Variants in PTPRD observed in about 807,000 individuals in gnomAD.
PTPRD encodes receptor-type tyrosine-protein phosphatase delta.
Under a neutral mutation model 214.5 loss-of-function variants are expected in PTPRD, and 34 were observed. The ratio of observed to expected loss-of-function variants is 0.16; its 90% confidence interval spans 0.12 to 0.21. PTPRD has a LOEUF of 0.21. Ranked by LOEUF, PTPRD falls within the 10% of genes least tolerant of loss-of-function variation. The pLI is 1.00. For missense variants in PTPRD, 2,545 were observed against 2,398.7 expected (o/e 1.06, Z -1.27); for synonymous variants, 1,128 against 845.7 (o/e 1.33, Z -5.79).
At chr9:10,098,708 C>T (rs1327461565) in intron 3 of PTPRD, among the ~76,000 whole-genome samples, 1 of 151,618 alleles carries the variant, frequency 6.6e-6, no homozygotes, top group East Asian at 2.0e-4. Flanking sequence ...TTTTAATGTT[C>T]TAAATTCAAG....
At chr9:9,438,465 G>A (rs922257526) in intron 8 of PTPRD, among the ~76,000 whole-genome samples, 12 of 152,136 alleles carry the variant, frequency 7.9e-5, no homozygotes, top group African/African-American at 2.9e-4. Flanking sequence ...TTGTGTGAAA[G>A]TCATAATAGA....
intron 2 of PTPRD, among the ~76,000 whole-genome samples, chr9:10,608,070 T>A (rs1439813799): frequency 6.6e-6 from 1 of 151,974 alleles, no homozygotes; most frequent in African/African-American, 2.4e-5. Context: ...AATGCAAGGG[T>A]TCAAATAATT....
At chr9:8,560,385 G>C (rs539715008) in intron 14 of PTPRD, among the ~76,000 whole-genome samples, 1 of 150,328 alleles carries the variant, frequency 6.7e-6, no homozygotes, top group Non-Finnish European at 1.5e-5. Flanking sequence ...AAACAATACA[G>C]GTAATTTAGA....
chr9:9,060,667 G>C (rs887883039), intron 10 of PTPRD, among the ~76,000 whole-genome samples: 1 of 151,332 alleles, frequency 6.6e-6, no homozygotes, highest in African/African-American at 2.4e-5. Flanking sequence ...CAATCCAATA[G>C]AAAAAAAAGA....
At chr9:10,036,973 T>C (rs1294216131) in intron 3 of PTPRD, among the ~76,000 whole-genome samples, 1 of 152,026 alleles carries the variant, frequency 6.6e-6, no homozygotes, top group Non-Finnish European at 1.5e-5. Context: ...AGCTTCAATC[T>C]CCCAGGCTTA....
chr9:9,079,861 C>T (rs904956588), intron 10 of PTPRD, among the ~76,000 whole-genome samples: 4 of 152,038 alleles, frequency 2.6e-5, no homozygotes, highest in African/African-American at 9.7e-5. Context: ...TCATCCAGTT[C>T]ATGAGTTTAC....
intron 16 of PTPRD, 142 bp from the exon 17 acceptor site, chr9:8,526,786 G>A: frequency 3.4e-6 from 2 of 586,710 alleles, no homozygotes; most frequent in Non-Finnish European, 2.8e-6. Flanking sequence ...TTACTATATT[G>A]GTAAAACAGG....
At chr9:8,996,503 G>A (rs2099397293) in intron 11 of PTPRD, among the ~76,000 whole-genome samples, 1 of 152,018 alleles carries the variant, frequency 6.6e-6, no homozygotes, top group Non-Finnish European at 1.5e-5. Flanking sequence ...GGAATGAAGG[G>A]ATCTGTGGGG....
intron 5 of PTPRD, among the ~76,000 whole-genome samples, chr9:9,776,936 T>C (rs981791): frequency 0.14 from 20,711 of 152,140 alleles, 1,994 homozygotes; most frequent in African/African-American, 0.27. Flanking sequence ...TCCTCTGGGT[T>C]GAAAGGCATA....
chr9:9,939,915 A>C (rs982091235), intron 4 of PTPRD, among the ~76,000 whole-genome samples: 12 of 152,154 alleles, frequency 7.9e-5, no homozygotes, highest in African/African-American at 2.9e-4. Context: ...AATCCACTTT[A>C]TCACCTTCAT....
At chr9:9,678,802 A>G (rs1465410796) in intron 7 of PTPRD, among the ~76,000 whole-genome samples, 1 of 151,956 alleles carries the variant, frequency 6.6e-6, no homozygotes, top group Non-Finnish European at 1.5e-5. Context: ...CATTCCAGTG[A>G]ATGATCTCTC....
At chr9:8,964,996 G>T (rs984576136) in intron 11 of PTPRD, among the ~76,000 whole-genome samples, 1 of 152,034 alleles carries the variant, frequency 6.6e-6, no homozygotes, top group South Asian at 2.1e-4. Context: ...GTAATTCCTT[G>T]TGAAGATGAG....
chr9:8,931,161 G>A (rs2098949773), intron 11 of PTPRD, among the ~76,000 whole-genome samples: 1 of 151,914 alleles, frequency 6.6e-6, no homozygotes, highest in African/African-American at 2.4e-5. Context: ...AAGGGATCCA[G>A]TTTCAGCTTT....
intron 12 of PTPRD, among the ~76,000 whole-genome samples, chr9:8,654,111 C>G (rs2096865138): frequency 6.6e-6 from 1 of 152,164 alleles, no homozygotes; most frequent in South Asian, 2.1e-4. Context: ...TCCTAGCTAC[C>G]AGTTGTGACA....
chr9:9,216,644 A>G (rs1284690803), intron 9 of PTPRD, among the ~76,000 whole-genome samples: 3 of 152,180 alleles, frequency 2.0e-5, no homozygotes, highest in African/African-American at 4.8e-5. Context: ...AGGTGTTCTT[A>G]TAAGTCTTCA....
At chr9:9,575,082 G>A (rs1414130759) in intron 7 of PTPRD, among the ~76,000 whole-genome samples, 1 of 152,038 alleles carries the variant, frequency 6.6e-6, no homozygotes, top group African/African-American at 2.4e-5. Flanking sequence ...CAAGCTTAAT[G>A]TATTTTGCTA....
At chr9:9,432,079 T>C (rs890160602) in intron 8 of PTPRD, among the ~76,000 whole-genome samples, 2 of 138,548 alleles carry the variant, frequency 1.4e-5, no homozygotes, top group Non-Finnish European at 1.6e-5. Context: ...ATAATAATAA[T>C]AATAATAATA....
At chr9:9,065,324 G>A (rs1007638794) in intron 10 of PTPRD, among the ~76,000 whole-genome samples, 2 of 152,060 alleles carry the variant, frequency 1.3e-5, no homozygotes, top group African/African-American at 4.8e-5. Flanking sequence ...AAATTGATAA[G>A]GTTCCATTGG....
intron 5 of PTPRD, among the ~76,000 whole-genome samples, chr9:9,921,427 A>T (rs1031289430): frequency 6.6e-6 from 1 of 152,008 alleles, no homozygotes; most frequent in African/African-American, 2.4e-5. Context: ...ATCTCAAAAT[A>T]ATAATGATTT....
Sources: allele counts gnomAD v4.1 joint callset (sites outside exome capture counted in the v4.1 genomes callset), GRCh38; gene constraint gnomAD v4.1.1; transcripts MANE v1.5; gene names NCBI Gene and HGNC (gene_info 2026-07-23, HGNC 2026-07-21).